IMMP2L: variants seen among roughly 807,000 people sequenced by gnomAD.
The protein encoded by IMMP2L is mitochondrial inner membrane protease subunit 2.
Under a neutral mutation model 19.3 loss-of-function variants are expected in IMMP2L, and 18 were observed. The ratio of observed to expected loss-of-function variants is 0.93; its 90% confidence interval spans 0.64 to 1.38. The LOEUF (loss-of-function observed/expected upper bound fraction) is 1.38, where lower values mean the gene tolerates loss of function less well. IMMP2L is among the 40% of genes most tolerant of loss of function. The probability of loss-of-function intolerance (pLI) is 0.00; values close to 1 mark genes in which losing one functional copy is unlikely to be tolerated. For synonymous variants in IMMP2L, 76 were observed against 73.0 expected (o/e 1.04, Z -0.21); for missense variants, 233 against 218.2 (o/e 1.07, Z -0.43).
intron 3 of IMMP2L, among the ~76,000 whole-genome samples, chr7:111,237,163 C>T (rs1192150288): frequency 6.6e-6 from 1 of 152,128 alleles, no homozygotes; most frequent in African/African-American, 2.4e-5. Context: ...GATATAATGT[C>T]TCACACATAG....
chr7:110,934,903 A>G (rs1815909219), intron 4 of IMMP2L, among the ~76,000 whole-genome samples: 1 of 152,152 alleles, frequency 6.6e-6, no homozygotes, highest in African/African-American at 2.4e-5. Context: ...TGCATGTAAG[A>G]TGGGTCTCCT....
At chr7:110,699,667 C>G (rs184265497) in intron 5 of IMMP2L, among the ~76,000 whole-genome samples, 173 of 151,434 alleles carry the variant, frequency 1.1e-3, no homozygotes, top group African/African-American at 4.0e-3. Context: ...GCTGGGGAGG[C>G]TGAGGCAGGA....
intron 4 of IMMP2L, among the ~76,000 whole-genome samples, chr7:110,961,763 G>C (rs964307040): frequency 1.3e-5 from 2 of 151,700 alleles, no homozygotes; most frequent in African/African-American, 4.8e-5. Flanking sequence ...ACAATATAGA[G>C]AAACCTAAAA....
At chr7:111,432,697 T>A (rs148088941) in intron 3 of IMMP2L, among the ~76,000 whole-genome samples, 1 of 151,518 alleles carries the variant, frequency 6.6e-6, no homozygotes, top group Admixed American at 6.6e-5. Context: ...CTCAATATCA[T>A]ACTGGAAGTT....
chr7:111,138,022 G>C (rs1403665820), intron 3 of IMMP2L, among the ~76,000 whole-genome samples: 1 of 152,064 alleles, frequency 6.6e-6, no homozygotes, highest in East Asian at 1.9e-4. Flanking sequence ...TACAAATGGG[G>C]TTTCCCCATG....
intron 5 of IMMP2L, among the ~76,000 whole-genome samples, chr7:110,851,840 A>G (rs1405028628): frequency 6.6e-6 from 1 of 152,148 alleles, no homozygotes; most frequent in East Asian, 1.9e-4. Flanking sequence ...TATATGTGAC[A>G]GATGGAATTT....
intron 3 of IMMP2L, among the ~76,000 whole-genome samples, chr7:111,348,717 T>C (rs935579082): frequency 2.0e-5 from 3 of 152,134 alleles, no homozygotes; most frequent in African/African-American, 7.2e-5. Context: ...TGATAGTCTT[T>C]AGAAACTGTT....
intron 3 of IMMP2L, among the ~76,000 whole-genome samples, chr7:111,032,188 A>G (rs1444737582): frequency 6.6e-6 from 1 of 152,114 alleles, no homozygotes; most frequent in African/African-American, 2.4e-5. Context: ...GTATCCGCCT[A>G]TCTTGGCCTC....
chr7:111,451,448 A>C (rs1327458127), intron 3 of IMMP2L, among the ~76,000 whole-genome samples: 1 of 149,672 alleles, frequency 6.7e-6, no homozygotes, highest in African/African-American at 2.5e-5. Context: ...CATTCTCAGT[A>C]AACTATCGCA....
At chr7:111,072,670 C>A (rs142071810) in intron 3 of IMMP2L, among the ~76,000 whole-genome samples, 3 of 151,918 alleles carry the variant, frequency 2.0e-5, no homozygotes, top group Admixed American at 6.6e-5. Flanking sequence ...CCGAGGCAGG[C>A]GGATCACGAG....
chr7:111,257,764 T>A lies in IMMP2L; in HGVS notation c.239+229474A>T, dbSNP rs112325332. ...CAAAATATACGGCCTATACATCTTT[T>A]AAACACCTTTTTCTTTTTCTTTTTT... On this transcript the variant is annotated intron_variant, in intron 3 of 5. Coordinates refer to ENST00000405709, the MANE Select transcript of IMMP2L (RefSeq NM_032549.4). Among the ~76,000 whole-genome samples the A allele has an allele frequency of 3.5e-3, 540 of 152,250 alleles. 3 individuals carry two copies. Among genetic ancestry groups the A allele is most frequent in the African/African-American group, 0.012 (510 of 41,558 alleles).
intron 3 of IMMP2L, among the ~76,000 whole-genome samples, chr7:111,066,818 G>A (rs192383192): frequency 3.9e-5 from 6 of 152,300 alleles, no homozygotes; most frequent in African/African-American, 1.4e-4. Flanking sequence ...GTAGGGCCTG[G>A]TCACATTAGT....
chr7:110,870,201 G>A lies in IMMP2L; in HGVS notation c.408+16392C>T, dbSNP rs780153820. 1.3e-5 allele frequency among the ~76,000 whole-genome samples: 2 copies of A among 152,074 alleles called. No homozygotes were observed. Among genetic ancestry groups the A allele is most frequent in the Non-Finnish European group, 2.9e-5 (2 of 68,010 alleles). On this transcript the variant is annotated intron_variant, in intron 5 of 5. Coordinates refer to ENST00000405709, the MANE Select transcript of IMMP2L (RefSeq NM_032549.4). The surrounding 1 kb of genome is among the most constrained non-coding windows in gnomAD (Gnocchi z 4.2). The stretch of plus-strand genomic sequence containing the variant: ...ATCCTCTTTCTGAAAAGTGCATCAT[G>A]TCAGGAGCCTTCTTCCAATCTCCAC...
At chr7:110,851,034 T>C (rs570029888) in intron 5 of IMMP2L, among the ~76,000 whole-genome samples, 1 of 152,192 alleles carries the variant, frequency 6.6e-6, no homozygotes, top group South Asian at 2.1e-4. Flanking sequence ...AAAAGACTTA[T>C]GTTGATTAGA....
At chr7:111,286,434 C>G (rs1226054346) in intron 3 of IMMP2L, among the ~76,000 whole-genome samples, 1 of 152,070 alleles carries the variant, frequency 6.6e-6, no homozygotes, top group Non-Finnish European at 1.5e-5. Flanking sequence ...AATGATTACA[C>G]CACACTACCA....
chr7:110,958,878 T>C (rs1409759652), intron 4 of IMMP2L, among the ~76,000 whole-genome samples: 2 of 151,964 alleles, frequency 1.3e-5, no homozygotes, highest in East Asian at 3.9e-4. Context: ...GCAAAAGCAA[T>C]GTGCAAAAGA....
intron 3 of IMMP2L, among the ~76,000 whole-genome samples, chr7:111,175,552 A>G (rs1475554291): frequency 6.6e-6 from 1 of 151,422 alleles, no homozygotes; most frequent in African/African-American, 2.4e-5. Flanking sequence ...TTTTATCTAC[A>G]ATGTGGAGGT....
intron 3 of IMMP2L, among the ~76,000 whole-genome samples, chr7:111,367,153 T>C (rs912996989): frequency 5.9e-5 from 9 of 151,648 alleles, no homozygotes; most frequent in African/African-American, 2.2e-4. Context: ...CTTATTGTTA[T>C]GCTTTATAAC....
In IMMP2L at chr7:111,239,377, T is replaced by C. The variant is rs150243942; in HGVS notation, c.239+247861A>G. Among the ~76,000 whole-genome samples the C allele has an allele frequency of 6.3e-3, 961 of 152,030 alleles. 16 individuals are homozygous for C. The highest frequency in any genetic ancestry group is 0.022 in the African/African-American group (897 of 41,538). On this transcript the variant is annotated intron_variant, in intron 3 of 5. Transcript: ENST00000405709. Reference sequence around the variant, plus strand: ...ATTCAAACGAATTAACAACAAACCATTGTTAATTTTCACAAACTTTCGATA... The same window carrying C: ...ATTCAAACGAATTAACAACAAACCACTGTTAATTTTCACAAACTTTCGATA...
Sources: gnomAD v4.1 joint callset for allele counts (sites outside exome capture counted in the v4.1 genomes callset) on GRCh38, gnomAD v4.1.1 for gene constraint, Gnocchi (gnomAD v3.1) non-coding constraint, MANE v1.5 for transcripts, NCBI Gene and HGNC (gene_info 2026-07-23, HGNC 2026-07-21) for gene names.